Variants in FZD3 observed in about 807,000 individuals in gnomAD.
FZD3 encodes frizzled-3.
FZD3 carries 30 observed loss-of-function variants against 60.7 expected under a neutral mutation model. That is an observed-to-expected ratio of 0.49 (90% CI 0.37 to 0.67). The LOEUF (loss-of-function observed/expected upper bound fraction) is 0.67, where lower values mean the gene tolerates loss of function less well. Among genes scored for constraint, FZD3 ranks in the 30% least tolerant of loss-of-function variants. The pLI is 0.00. For synonymous variants in FZD3, 246 were observed against 275.2 expected (o/e 0.89, Z 1.05); for missense variants, 605 against 838.7 (o/e 0.72, Z 3.44).
intron 3 of FZD3, among the ~76,000 whole-genome samples, chr8:28,514,672 G>A (rs1182911156): frequency 2.0e-5 from 3 of 152,156 alleles, no homozygotes; most frequent in South Asian, 4.1e-4. Context: ...CTTTCACTCA[G>A]TATAATGATT....
intron 5 of FZD3, among the ~76,000 whole-genome samples, chr8:28,535,740 T>C (rs946821241): frequency 1.3e-5 from 2 of 152,212 alleles, no homozygotes; most frequent in Non-Finnish European, 2.9e-5. Context: ...ATTTCTAGAA[T>C]ACTTTTTTAT....
chr8:28,573,873 C>G lies in FZD3; in HGVS notation c.*10862C>G, dbSNP rs1334319364. The G allele has an allele frequency of 6.6e-6, 1 of 152,082 alleles. No individual in the cohort carries two copies. Among genetic ancestry groups the G allele is most frequent in the African/African-American group, 2.4e-5 (1 of 41,428 alleles). 9.4% of individuals were successfully genotyped at this position (152,082 alleles called of 1,614,324 possible). On this transcript the variant is annotated 3_prime_UTR_variant, in exon 8 of 8. Coordinates refer to ENST00000240093, the MANE Select transcript of FZD3 (RefSeq NM_017412.4). Reference sequence around the variant, plus strand: ...TCTGAATCAAATTGCTGAGGTGATTCTAAATGTCTAATGTTGATTTATCAT... The same window carrying G: ...TCTGAATCAAATTGCTGAGGTGATTGTAAATGTCTAATGTTGATTTATCAT...
Position 28,503,024 on chromosome 8 carries a change from C to G in FZD3, c.11C>G (p.Thr4Ser), listed in dbSNP as rs140115204. The G allele has an allele frequency of 8.2e-4, 1,316 of 1,612,092 alleles. 1 individual carries two copies. Among genetic ancestry groups the G allele is most frequent in the Admixed American group, 1.1e-3 (67 of 59,914 alleles). Residue 4 changes from threonine (T) to serine (S), a missense_variant, in exon 3 of 8, where the codon ACT becomes AGT. Thr to Ser is a moderately conservative substitution (Grantham distance 58). Coordinates refer to ENST00000240093, the MANE Select transcript of FZD3 (RefSeq NM_017412.4). ...TCAGACCCAGGAAGGATGGCTATGACTTGGATTGTCTTCTCTCTTTGGCCC... is the reference window on the plus strand; with the variant it reads ...TCAGACCCAGGAAGGATGGCTATGAGTTGGATTGTCTTCTCTCTTTGGCCC... MAMTWIVFSLWPLT... is the reference protein window; with the variant it reads MAMSWIVFSLWPLT...
At chr8:28,534,048 A>G (rs1460513068) in intron 5 of FZD3, among the ~76,000 whole-genome samples, 1 of 152,234 alleles carries the variant, frequency 6.6e-6, no homozygotes, top group Non-Finnish European at 1.5e-5. Context: ...ACCTTTTCAA[A>G]TAGATAGTAT....
intron 5 of FZD3, among the ~76,000 whole-genome samples, chr8:28,541,077 G>A (rs1047496106): frequency 2.0e-5 from 3 of 151,710 alleles, no homozygotes; most frequent in South Asian, 2.1e-4. Context: ...CCTGTTTTAC[G>A]TACTAACTAC....
intron 3 of FZD3, among the ~76,000 whole-genome samples, chr8:28,508,927 A>G (rs1200429485): frequency 6.6e-6 from 1 of 152,214 alleles, no homozygotes; most frequent in Non-Finnish European, 1.5e-5. Flanking sequence ...TAATATTAGC[A>G]ATATTTTTAC....
chr8:28,526,874 G>C (rs1295540996), intron 4 of FZD3, among the ~76,000 whole-genome samples: 2 of 152,140 alleles, frequency 1.3e-5, no homozygotes, highest in African/African-American at 4.8e-5. Flanking sequence ...GGTCTCCTTA[G>C]TTGCATAAAT....
chr8:28,515,873 A>G (rs1052660326), intron 3 of FZD3, among the ~76,000 whole-genome samples: 15 of 152,174 alleles, frequency 9.9e-5, no homozygotes, highest in Non-Finnish European at 2.1e-4. Context: ...CTGTCCTGAT[A>G]GTGTCCTTCC....
intron 7 of FZD3, among the ~76,000 whole-genome samples, chr8:28,556,468 A>G (rs1317075392): frequency 6.6e-6 from 1 of 152,246 alleles, no homozygotes; most frequent in Non-Finnish European, 1.5e-5. Flanking sequence ...TACAAATTAA[A>G]TGAGATAGCA....
intron 7 of FZD3, among the ~76,000 whole-genome samples, chr8:28,561,291 A>G (rs999750555): frequency 6.6e-6 from 1 of 152,140 alleles, no homozygotes; most frequent in Non-Finnish European, 1.5e-5. Context: ...TCCTGACCTC[A>G]AGTGATCTGC....
chr8:28,516,150 T>C (rs986321132), intron 3 of FZD3, among the ~76,000 whole-genome samples: 3 of 152,226 alleles, frequency 2.0e-5, no homozygotes, highest in African/African-American at 7.2e-5. Flanking sequence ...TATCTTTTGT[T>C]GAAGATACTT....
rs138969061 is a variant in FZD3, at chr8:28,512,080, A to G, written c.190-8558A>G. On this transcript the variant is annotated intron_variant, in intron 3 of 7. Transcript: ENST00000240093. ...TGATGGTAATTCCAGTACCAAGGTT[A>G]CCACATACTTTTGAATACTAGTATT... Among the ~76,000 whole-genome samples, 271 of 152,314 alleles carry G rather than the reference A, an allele frequency of 1.8e-3. 3 individuals are homozygous for G. The highest frequency in any genetic ancestry group is 6.2e-3 in the African/African-American group (257 of 41,572).
rs561349327 is a variant in FZD3 at position 28,542,392 on chromosome 8, C to G, written c.1405-9211C>G. ...TGCGGCTCACTCCTTAATCCTAGCA[C>G]TTTGGGAGGCTGAGGTGGGTGGATC... is the stretch of plus-strand genomic sequence containing the variant. On this transcript the variant is annotated intron_variant, in intron 5 of 7. Coordinates refer to ENST00000240093, the MANE Select transcript of FZD3 (RefSeq NM_017412.4). Among the ~76,000 whole-genome samples, 156 of 152,174 alleles carry G rather than the reference C, an allele frequency of 1.0e-3. 1 individual carries two copies. Among genetic ancestry groups the G allele is most frequent in the Non-Finnish European group, 1.9e-3 (131 of 68,024 alleles).
intron 5 of FZD3, among the ~76,000 whole-genome samples, chr8:28,550,481 C>CTTTTTTTTTTTTTTTTTTTTTTTT (rs386412443): frequency 2.9e-5 from 1 of 34,336 alleles, no homozygotes; most frequent in African/African-American, 1.3e-4. Context: ...CTTCTTTTAT[C>CTTTTTTTTTTTTTTTTTTTTTTTT]TTTTTTTTTT....
At chr8:28,558,708 G>A (rs972172103) in intron 7 of FZD3, among the ~76,000 whole-genome samples, 1 of 152,080 alleles carries the variant, frequency 6.6e-6, no homozygotes, top group African/African-American at 2.4e-5. Context: ...CTGGGACTGC[G>A]GGCATGAGCC....
Position 28,567,911 on chromosome 8 carries a change from A to G in FZD3, c.*4900A>G, listed in dbSNP as rs935406573. On this transcript the variant is annotated 3_prime_UTR_variant, in exon 8 of 8. Transcript: ENST00000240093. ...ACTTAAATTATAAAAAAAAATATAT[A>G]TGAAGAAGAATGTAGACCCTATAAT... 1 of 152,112 alleles carries G rather than the reference A, an allele frequency of 6.6e-6. No homozygotes were observed. The highest frequency in any genetic ancestry group is 1.5e-5 in the Non-Finnish European group (1 of 68,002). 9.4% of individuals were successfully genotyped at this position (152,112 alleles called of 1,614,324 possible).
At chr8:28,499,516 G>A (rs1323300509) in intron 1 of FZD3, among the ~76,000 whole-genome samples, 1 of 151,726 alleles carries the variant, frequency 6.6e-6, no homozygotes, top group Non-Finnish European at 1.5e-5. Flanking sequence ...GTACTTACGT[G>A]TTTACTTAGA....
chr8:28,523,017 G>A (rs780461584), intron 4 of FZD3, among the ~76,000 whole-genome samples: 2 of 152,056 alleles, frequency 1.3e-5, no homozygotes, highest in Non-Finnish European at 2.9e-5. Context: ...TGGTCCGCCC[G>A]CCTCAGCCTC....
Position 28,532,194 on chromosome 8 carries a change from C to T in FZD3, c.1404+4030C>T, listed in dbSNP as rs1014691876. Among the ~76,000 whole-genome samples the T allele has an allele frequency of 3.3e-5, 5 of 152,018 alleles. 1 individual carries two copies. The South Asian group carries it at 8.3e-4, about 25-fold the overall frequency. Reference sequence around the variant, plus strand: ...TGTGTCAACTCCACATCTTCTTTACCTTGTTCTTCTTCTTCAAAACTATTT... The same window carrying T: ...TGTGTCAACTCCACATCTTCTTTACTTTGTTCTTCTTCTTCAAAACTATTT... On this transcript the variant is annotated intron_variant, in intron 5 of 7. Coordinates refer to ENST00000240093, the MANE Select transcript of FZD3 (RefSeq NM_017412.4).
Sources: gnomAD v4.1 joint callset for allele counts (sites outside exome capture counted in the v4.1 genomes callset) on GRCh38, gnomAD v4.1.1 for gene constraint, MANE v1.5 for transcripts, NCBI Gene and HGNC (gene_info 2026-07-23, HGNC 2026-07-21) for gene names.